Variants in POLR3E observed in about 807,000 individuals in gnomAD.
POLR3E encodes the protein DNA-directed RNA polymerase III subunit RPC5.
In POLR3E, 41 loss-of-function variants were observed where a neutral mutation model predicts 96.6. The ratio of observed to expected loss-of-function variants is 0.42; its 90% confidence interval spans 0.33 to 0.55. The LOEUF is 0.55. Ranked by LOEUF, POLR3E falls within the 20% of genes least tolerant of loss-of-function variation. POLR3E has a pLI of 0.06. For synonymous variants in POLR3E, 396 were observed against 383.6 expected (o/e 1.03, Z -0.38); for missense variants, 849 against 952.1 (o/e 0.89, Z 1.43).
At chr16:22,328,864 G>A (rs533748411) in intron 19 of POLR3E, 10 of 376,664 alleles carry the variant, frequency 2.7e-5, no homozygotes, top group Non-Finnish European at 4.1e-5. Context: ...AGTGGCTCAC[G>A]CCTGTAATCC....
intron 20 of POLR3E, among the ~76,000 whole-genome samples, chr16:22,333,062 C>T (rs982665960): frequency 6.8e-6 from 1 of 147,518 alleles, no homozygotes; most frequent in African/African-American, 2.5e-5. Flanking sequence ...GCAACCTCTA[C>T]CTCCCAGTTT....
In POLR3E at chr16:22,318,096, C is replaced by A. The variant is rs975132106; in HGVS notation, c.866-730C>A. ...TAGGCTTCCTTCCTGCAGAGGACTT[C>A]GAACTTTTTTTTTTTTTGAGACAGT... is the stretch of plus-strand genomic sequence containing the variant. On this transcript the variant is annotated intron_variant, in intron 12 of 20. Transcript: ENST00000299853. The surrounding 1 kb of genome is among the most constrained non-coding windows in gnomAD (Gnocchi z 5.0). Among the ~76,000 whole-genome samples, 2 of 148,746 alleles carry A rather than the reference C, an allele frequency of 1.3e-5. No homozygotes were observed. Among genetic ancestry groups the A allele is most frequent in the Non-Finnish European group, 2.9e-5 (2 of 67,888 alleles).
At chr16:22,308,042 G>A in intron 3 of POLR3E, 106 bp from the exon 4 acceptor site, 1 of 793,546 alleles carries the variant, frequency 1.3e-6, no homozygotes, top group South Asian at 1.5e-5. Flanking sequence ...GGTAAGGCCA[G>A]TCTCTGCTTG....
intron 2 of POLR3E, 127 bp from the exon 3 acceptor site, chr16:22,305,029 A>G (rs2141734765): frequency 2.6e-6 from 2 of 774,060 alleles, no homozygotes; most frequent in East Asian, 2.4e-5. Context: ...GAGCTGAGCT[A>G]TTTCCTCCTT....
chr16:22,298,553 G>A (rs114875692), intron 1 of POLR3E, among the ~76,000 whole-genome samples: 1 of 152,172 alleles, frequency 6.6e-6, no homozygotes, highest in East Asian at 1.9e-4. Context: ...CCAAGCAGCT[G>A]TGGTGGGATT....
At position 22,322,748 on chromosome 16, in the gene POLR3E, C is replaced by A; in HGVS notation, c.987-102C>A. On this transcript the variant is annotated intron_variant, in intron 13 of 20. Coordinates refer to ENST00000299853, the MANE Select transcript of POLR3E (RefSeq NM_018119.4). The surrounding 1 kb of genome is among the most constrained non-coding windows in gnomAD (Gnocchi z 5.2). Reference sequence around the variant, plus strand: ...TCTTGGGGCTCAGGCCTGTACCCAGCCCACGGTGGAAAGAAGCATGGACTG... The same window carrying A: ...TCTTGGGGCTCAGGCCTGTACCCAGACCACGGTGGAAAGAAGCATGGACTG... 1 of 776,718 alleles carries A rather than the reference C, an allele frequency of 1.3e-6. No homozygotes were observed. The allele number at this position is 776,718 out of a possible 1,614,324, so 48.1% of individuals were successfully genotyped here.
intron 1 of POLR3E, among the ~76,000 whole-genome samples, chr16:22,297,880 C>T (rs915540136): frequency 2.0e-5 from 3 of 152,216 alleles, no homozygotes; most frequent in Non-Finnish European, 4.4e-5. Flanking sequence ...GCGGCAGGGA[C>T]TGCGTGGTGG....
intron 9 of POLR3E, 38 bp from the exon 10 acceptor site, chr16:22,316,563 A>G: frequency 1.9e-6 from 3 of 1,540,364 alleles, no homozygotes; most frequent in Non-Finnish European, 2.7e-6. Context: ...CAGGGCCATC[A>G]GCTGAGGCTC....
chr16:22,308,620 G>A (rs2048182021), intron 4 of POLR3E: 1 of 450,362 alleles, frequency 2.2e-6, no homozygotes, highest in South Asian at 3.2e-5. Flanking sequence ...CAAGAGAAGT[G>A]GGAAATAAGG....
intron 3 of POLR3E, among the ~76,000 whole-genome samples, chr16:22,306,131 G>T (rs1363998306): frequency 2.0e-5 from 3 of 152,142 alleles, no homozygotes; most frequent in African/African-American, 4.8e-5. Context: ...GCCTATTCCG[G>T]ACTTTTCACA....
At chr16:22,325,691 C>A in intron 17 of POLR3E, 70 bp from the exon 18 acceptor site, 1 of 1,479,698 alleles carries the variant, frequency 6.8e-7, no homozygotes. Context: ...TGCAGCCCCG[C>A]GGTCCCCTGC....
chr16:22,327,463 A>T (rs2048623786), intron 18 of POLR3E: 1 of 152,222 alleles, frequency 6.6e-6, no homozygotes. Context: ...GAGTGGACAG[A>T]GGTGAGGGGT....
rs779326078 is a variant in POLR3E at position 22,305,184 on chromosome 16, C to T, written c.65C>T (p.Ala22Val). The T allele has an allele frequency of 3.1e-5, 50 of 1,612,438 alleles. No individual in the cohort carries two copies. The highest frequency in any genetic ancestry group is 3.3e-4 in the Middle Eastern group (2 of 6,084). ...GATGTGTACTTGGCCAAGAGTCTGG[C>T]GGAAAAGCTGTATCTATTTCAGGTA... ...EIDVYLAKSLAEKLYLFQYPV... is the reference protein window; with the variant it reads ...EIDVYLAKSLVEKLYLFQYPV... Residue 22 changes from alanine to valine, a missense_variant, in exon 3 of 21, where the codon GCG (alanine) becomes GTG (valine). By Grantham distance (64) the Ala-to-Val change is moderately conservative. Coordinates refer to ENST00000299853, the MANE Select transcript of POLR3E (RefSeq NM_018119.4).
chr16:22,303,086 G>A lies in POLR3E; in HGVS notation c.36+82G>A. The A allele has an allele frequency of 2.4e-6, 3 of 1,257,764 alleles. No individual in the cohort carries two copies. The South Asian group carries it at 3.6e-5, about 15-fold the overall frequency. 77.9% of individuals were successfully genotyped at this position (1,257,764 alleles called of 1,614,324 possible). ...TTTCCATGTGTCCTCAGGCCAGTCT[G>A]GGACCTGTTGATGTTCTGGGACCCC... On this transcript the variant is annotated intron_variant, in intron 2 of 20. Coordinates refer to ENST00000299853, the MANE Select transcript of POLR3E (RefSeq NM_018119.4).
chr16:22,301,888 C>G (rs576631573), intron 1 of POLR3E, among the ~76,000 whole-genome samples: 2 of 151,286 alleles, frequency 1.3e-5, no homozygotes, highest in African/African-American at 4.9e-5. Context: ...TACCACCGCA[C>G]TCCAGCCTGG....
At chr16:22,305,989 C>T (rs544338164) in intron 3 of POLR3E, among the ~76,000 whole-genome samples, 3 of 152,288 alleles carry the variant, frequency 2.0e-5, no homozygotes, top group African/African-American at 4.8e-5. Context: ...GTGCAACCAG[C>T]GCCACAGTCT....
In POLR3E at chr16:22,313,018, C is replaced by G. The variant is rs1409073403; in HGVS notation, c.365-602C>G. On this transcript the variant is annotated intron_variant, in intron 6 of 20. Coordinates refer to ENST00000299853, the MANE Select transcript of POLR3E (RefSeq NM_018119.4). The surrounding 1 kb of genome is among the most constrained non-coding windows in gnomAD (Gnocchi z 4.1). ...TATAACTCGCGCGTTCTGTTTAGAA[C>G]CCATGTCTCAAGCATGTAATTCTTG... Among the ~76,000 whole-genome samples, 4 of 152,166 alleles carry G rather than the reference C, an allele frequency of 2.6e-5. No individual in the cohort carries two copies. Among genetic ancestry groups the G allele is most frequent in the East Asian group, 3.9e-4 (2 of 5,186 alleles).
rs768622653 is a variant in POLR3E at position 22,328,501 on chromosome 16, C to G, written c.1867-9C>G. ...ATGGACAAGCAACTCACCCCTGGGC[C>G]TTGGTCAGTTTCCCCCCCAGACTGC... On this transcript the variant is annotated splice_polypyrimidine_tract_variant and intron_variant, in intron 18 of 20. Transcript: ENST00000299853. The G allele has an allele frequency of 6.2e-7, 1 of 1,613,328 alleles. No individual in the cohort carries two copies. Among genetic ancestry groups the G allele is most frequent in the South Asian group, 1.1e-5 (1 of 91,062 alleles).
chr16:22,311,268 C>CTTTTTTTTT (rs57435708), intron 6 of POLR3E, among the ~76,000 whole-genome samples: 2 of 109,422 alleles, frequency 1.8e-5, no homozygotes, highest in East Asian at 2.7e-4. Context: ...TGTGCCCAGC[C>CTTTTTTTTT]TTTTTTTTTT....
Sources: gnomAD v4.1 joint callset for allele counts (sites outside exome capture counted in the v4.1 genomes callset) on GRCh38, gnomAD v4.1.1 for gene constraint, Gnocchi (gnomAD v3.1) non-coding constraint, MANE v1.5 for transcripts, NCBI Gene and HGNC (gene_info 2026-07-23, HGNC 2026-07-21) for gene names.